The following CMIP variants were observed in gnomAD, a reference collection of about 807,000 sequenced individuals.
CMIP encodes c-Maf inducing protein.
Under a neutral mutation model 97.3 loss-of-function variants are expected in CMIP, and 13 were observed. The observed-to-expected ratio is 0.13, with a 90% CI of 0.09 to 0.21. CMIP has a LOEUF of 0.21. Ranked by LOEUF, CMIP falls within the 10% of genes least tolerant of loss-of-function variation. The probability of loss-of-function intolerance (pLI) is 1.00; values close to 1 mark genes in which losing one functional copy is unlikely to be tolerated. For synonymous variants in CMIP, 538 were observed against 436.3 expected (o/e 1.23, Z -2.91); for missense variants, 847 against 1,024.9 (o/e 0.83, Z 2.37).
chr16:81,467,180 C>T (rs149196290), intron 1 of CMIP, among the ~76,000 whole-genome samples: 30 of 152,310 alleles, frequency 2.0e-4, no homozygotes, highest in African/African-American at 6.5e-4. Flanking sequence ...TGGACGTGGA[C>T]CCATGTTTGT....
At chr16:81,664,424 C>G in intron 7 of CMIP, 75 bp downstream of exon 7, 1 of 1,401,088 alleles carries the variant, frequency 7.1e-7, no homozygotes, top group Non-Finnish European at 9.8e-7. Context: ...TGGCCTTTTG[C>G]GTTGGCACAG....
At chr16:81,672,161 C>A in intron 9 of CMIP, 91 bp downstream of exon 9, 1 of 731,632 alleles carries the variant, frequency 1.4e-6, no homozygotes, top group South Asian at 1.7e-5. Context: ...CTGACCAGGC[C>A]AGAGAGGTGG....
At chr16:81,476,176 C>T (rs1337154381) in intron 1 of CMIP, 22 of 1,201,044 alleles carry the variant, frequency 1.8e-5, no homozygotes, top group East Asian at 1.2e-4. Flanking sequence ...CTTGGCAGTG[C>T]GTGTGGAAAA....
chr16:81,650,885 C>A (rs930981174), intron 3 of CMIP, among the ~76,000 whole-genome samples: 2 of 152,188 alleles, frequency 1.3e-5, no homozygotes, highest in African/African-American at 2.4e-5. Context: ...AGGTCCACCT[C>A]CCGTCCCACC....
At chr16:81,646,245 T>C (rs1028967532) in intron 3 of CMIP, among the ~76,000 whole-genome samples, 1 of 13,740 alleles carries the variant, frequency 7.3e-5, no homozygotes. Flanking sequence ...GGTGGGCGGG[T>C]GGGTGGATGG....
chr16:81,622,553 T>TG (rs1342364176), intron 3 of CMIP, among the ~76,000 whole-genome samples: 1 of 152,146 alleles, frequency 6.6e-6, no homozygotes, highest in African/African-American at 2.4e-5. Context: ...GTGTTTTACT[T>TG]GTGGGGCCTC....
In CMIP at chr16:81,645,304, C is replaced by T. The variant is rs375044406; in HGVS notation, c.478-6899C>T. 59 of 1,190,220 alleles carry T rather than the reference C, an allele frequency of 5.0e-5. 1 individual carries two copies. In the South Asian group the frequency reaches 8.9e-4, roughly 18 times the overall value. The allele number at this position is 1,190,220 out of a possible 1,614,324, so 73.7% of individuals were successfully genotyped here. On this transcript the variant is annotated intron_variant, in intron 3 of 20. Coordinates refer to ENST00000537098, the MANE Select transcript of CMIP (RefSeq NM_198390.3). The stretch of plus-strand genomic sequence containing the variant: ...TCCACTCTGCAGTGCCATGGGCGCG[C>T]CCGTGCAGCGTCCTCTCTTCACGAC...
chr16:81,630,353 G>T (rs1320467881), intron 3 of CMIP: 1 of 152,286 alleles, frequency 6.6e-6, no homozygotes, highest in Non-Finnish European at 1.5e-5. Context: ...ACCGACTCAT[G>T]AGCCCAGGGC....
intron 1 of CMIP, among the ~76,000 whole-genome samples, chr16:81,477,215 G>C (rs913584481): frequency 1.3e-5 from 2 of 152,066 alleles, no homozygotes; most frequent in African/African-American, 4.8e-5. Flanking sequence ...GAGTGCAGTG[G>C]TGTGGTCTCG....
rs539406457 is a variant in CMIP at position 81,538,222 on chromosome 16, C to G, written c.301-69345C>G. Among the ~76,000 whole-genome samples, 90 of 152,326 alleles carry G rather than the reference C, an allele frequency of 5.9e-4. No homozygotes were observed. The South Asian group carries it at 7.3e-3, about 12-fold the overall frequency. The stretch of plus-strand genomic sequence containing the variant: ...GAGGGGCTAAGGCCTGAGTCCGTCT[C>G]ATTCTCAGAGCGACACCCATAAGCA... On this transcript the variant is annotated intron_variant, in intron 1 of 20. Transcript: ENST00000537098.
rs768976138 is a variant in CMIP at position 81,709,775 on chromosome 16, C to T, written c.2298C>T (p.Asp766=). 2.3e-5 allele frequency: 37 copies of T among 1,613,816 alleles called. No homozygotes were observed. The highest frequency in any genetic ancestry group is 4.5e-5 in the East Asian group (2 of 44,900). The change falls in exon 21 of 21, where the codon GAC becomes GAT. Residue 766 remains aspartate (D), a synonymous_variant. Transcript: ENST00000537098. ...AGCTTCCCAATTTGAAGGAAGTGGA[C>T]GTCCGCTACACCGAAGCCTGGTGAA... ...KAKLPNLKEV[D]VRYTEAW
chr16:81,643,863 C>G (rs1160599561), intron 3 of CMIP, among the ~76,000 whole-genome samples: 3 of 151,810 alleles, frequency 2.0e-5, no homozygotes, highest in Non-Finnish European at 4.4e-5. Flanking sequence ...TGAAGTAAAT[C>G]TATATGTATG....
intron 1 of CMIP, among the ~76,000 whole-genome samples, chr16:81,596,878 T>C (rs1379645509): frequency 6.6e-6 from 1 of 152,244 alleles, no homozygotes; most frequent in Non-Finnish European, 1.5e-5. Flanking sequence ...TTCTGAAGTT[T>C]GTATGGGTGG....
At chr16:81,546,408 G>A (rs79208952) in intron 1 of CMIP, among the ~76,000 whole-genome samples, 6,376 of 152,284 alleles carry the variant, frequency 0.042, 176 homozygotes, top group Middle Eastern at 0.085. Flanking sequence ...GGCTGGAGGT[G>A]CACTCAGAAA....
Position 81,678,596 on chromosome 16 carries a change from G to C in CMIP, c.1356G>C (p.Thr452=). Residue 452 remains threonine (T), a synonymous_variant, in exon 10 of 21, where the codon ACG becomes ACC. Transcript: ENST00000537098. ...SIELGPQADR[T]LGCYVEILKL... ...AGCTGGGCCCCCAGGCCGACCGCACGCTCGGCTGCTACGTGGAAATCCTCA... is the reference window on the plus strand; with the variant it reads ...AGCTGGGCCCCCAGGCCGACCGCACCCTCGGCTGCTACGTGGAAATCCTCA... 6.3e-7 allele frequency: 1 copy of C among 1,596,338 alleles called. No individual in the cohort carries two copies. The highest frequency in any genetic ancestry group is 8.5e-7 in the Non-Finnish European group (1 of 1,169,820).
At chr16:81,653,034 C>T (rs1479677226) in intron 4 of CMIP, among the ~76,000 whole-genome samples, 2 of 152,282 alleles carry the variant, frequency 1.3e-5, no homozygotes, top group African/African-American at 4.8e-5. Flanking sequence ...GCGAGTCTGT[C>T]CCGCTGTTGG....
At chr16:81,649,850 T>A in intron 3 of CMIP, among the ~76,000 whole-genome samples, 1 of 152,208 alleles carries the variant, frequency 6.6e-6, no homozygotes, top group Admixed American at 6.5e-5. Context: ...AATTAAACAA[T>A]TCTCTGGGTA....
At chr16:81,484,361 C>T (rs1398145613) in intron 1 of CMIP, among the ~76,000 whole-genome samples, 1 of 152,218 alleles carries the variant, frequency 6.6e-6, no homozygotes, top group Non-Finnish European at 1.5e-5. Flanking sequence ...TCAGAAAGCC[C>T]TGGCTCTGGC....
intron 1 of CMIP, among the ~76,000 whole-genome samples, chr16:81,457,126 CCT>C (rs1906598508): frequency 6.6e-6 from 1 of 152,052 alleles, no homozygotes; most frequent in Admixed American, 6.6e-5. Context: ...CTTCCCCATG[CCT>C]CTGACCTTTG....
Sources: gnomAD v4.1 joint callset for allele counts (sites outside exome capture counted in the v4.1 genomes callset) on GRCh38, gnomAD v4.1.1 for gene constraint, MANE v1.5 for transcripts, NCBI Gene and HGNC (gene_info 2026-07-23, HGNC 2026-07-21) for gene names.